Variants in NUDCD3 observed in about 807,000 individuals in gnomAD.
The protein encoded by NUDCD3 is nudC domain-containing protein 3.
Under a neutral mutation model 39.7 loss-of-function variants are expected in NUDCD3, and 13 were observed. The ratio of observed to expected loss-of-function variants is 0.33; its 90% CI spans 0.21 to 0.52. NUDCD3 has a LOEUF of 0.52. Among genes scored for constraint, NUDCD3 ranks in the 20% least tolerant of loss-of-function variants. The pLI is 0.96. For missense variants in NUDCD3, 453 were observed against 458.1 expected (o/e 0.99, Z 0.10); for synonymous variants, 175 against 172.4 (o/e 1.02, Z -0.12).
chr7:44,478,355 A>G (rs1382725847), intron 2 of NUDCD3, among the ~76,000 whole-genome samples: 1 of 152,222 alleles, frequency 6.6e-6, no homozygotes, highest in Non-Finnish European at 1.5e-5. Flanking sequence ...GTTTCAGACC[A>G]GTATGGCCAA....
At chr7:44,490,258 G>A (rs1037113880) in intron 1 of NUDCD3, 151 bp downstream of exon 1, 3 of 724,286 alleles carry the variant, frequency 4.1e-6, no homozygotes, top group African/African-American at 1.9e-5. Context: ...TCCAATCCGC[G>A]CTTCAAATTA....
At chr7:44,391,484 GAGA>G (rs748415316) in intron 5 of NUDCD3, among the ~76,000 whole-genome samples, 26 of 152,166 alleles carry the variant, frequency 1.7e-4, no homozygotes, top group Non-Finnish European at 3.1e-4. Context: ...GAGACAAAAT[GAGA>G]AGAAAATATC....
At chr7:44,458,190 A>G (rs1799939044) in intron 2 of NUDCD3, among the ~76,000 whole-genome samples, 2 of 152,248 alleles carry the variant, frequency 1.3e-5, no homozygotes, top group African/African-American at 4.8e-5. Context: ...AAAACACTCC[A>G]TTAAGTGAGA....
intron 2 of NUDCD3, among the ~76,000 whole-genome samples, chr7:44,476,475 C>CTT (rs1466263752): frequency 1.3e-5 from 2 of 152,168 alleles, no homozygotes; most frequent in Admixed American, 6.5e-5. Flanking sequence ...TCATTTGCCC[C>CTT]TTTCACCATG....
intron 2 of NUDCD3, among the ~76,000 whole-genome samples, chr7:44,437,069 C>CTTTTTTT (rs35904938): frequency 2.2e-4 from 26 of 117,278 alleles, no homozygotes; most frequent in Non-Finnish European, 4.3e-4. Context: ...CTTTTCTTTT[C>CTTTTTTT]TTTTTTTTTT....
intron 3 of NUDCD3, chr7:44,413,419 A>C (rs1342960079): frequency 6.6e-6 from 1 of 152,224 alleles, no homozygotes; most frequent in Non-Finnish European, 1.5e-5. Flanking sequence ...ACAGATCTGC[A>C]ATACATATCA....
At position 44,463,356 on chromosome 7, in the gene NUDCD3, C is replaced by T. The variant is rs115562404; in HGVS notation, c.509+21612G>A. Among the ~76,000 whole-genome samples, 1,268 of 152,268 alleles carry T rather than the reference C, an allele frequency of 8.3e-3. 15 individuals carry two copies. The highest frequency in any genetic ancestry group is 0.061 in the Middle Eastern group (18 of 294). ...AAGCTGGTGACACCCACAGAGGGCA[C>T]GGAGCCTGCCATCCCTGAGAACTAG... On this transcript the variant is annotated intron_variant, in intron 2 of 5. Transcript: ENST00000355451.
At chr7:44,461,026 C>T (rs544353027) in intron 2 of NUDCD3, among the ~76,000 whole-genome samples, 112 of 152,318 alleles carry the variant, frequency 7.4e-4, no homozygotes, top group African/African-American at 2.6e-3. Flanking sequence ...GCCTAAAAAC[C>T]CGACGGGTTC....
chr7:44,419,412 A>C (rs1432078142), intron 3 of NUDCD3, among the ~76,000 whole-genome samples: 1 of 152,212 alleles, frequency 6.6e-6, no homozygotes, highest in Admixed American at 6.5e-5. Flanking sequence ...CAGCTTCAGC[A>C]GACTTAAACA....
At chr7:44,454,208 G>A (rs185471559) in intron 2 of NUDCD3, among the ~76,000 whole-genome samples, 2 of 152,164 alleles carry the variant, frequency 1.3e-5, no homozygotes, top group African/African-American at 4.8e-5. Flanking sequence ...GCATGGTGGC[G>A]GGCACCTGTA....
In NUDCD3 at chr7:44,449,027, C is replaced by A. The variant is rs1799738533; in HGVS notation, c.510-21324G>T. ...AACTAAACTCCAAATTAAACTAGGA[C>A]CAAACACAGGGAGTGGTAGAGAGCA... On this transcript the variant is annotated intron_variant, in intron 2 of 5. Transcript: ENST00000355451. Among the ~76,000 whole-genome samples, 4 of 152,130 alleles carry A rather than the reference C, an allele frequency of 2.6e-5. No homozygotes were observed. The South Asian group carries it at 8.3e-4, about 32-fold the overall frequency.
intron 4 of NUDCD3, chr7:44,402,874 T>C: frequency 2.9e-6 from 1 of 343,108 alleles, no homozygotes; most frequent in South Asian, 2.2e-5. Flanking sequence ...CCAGTACTAC[T>C]AGTGCATCAC....
rs992451018 is a variant in NUDCD3, at chr7:44,382,148, CCTCT to C, written c.*3859_*3862del. 7.9e-5 allele frequency: 12 copies of C among 152,196 alleles called. No individual in the cohort carries two copies. Among genetic ancestry groups the C allele is most frequent in the African/African-American group, 2.6e-4 (11 of 41,520 alleles). 9.4% of individuals were successfully genotyped at this position (152,196 alleles called of 1,614,324 possible). A position where few individuals can be genotyped will look rare whatever the true frequency, so the allele number is the denominator to read the frequency against. On this transcript the variant is annotated 3_prime_UTR_variant, in exon 6 of 6. Transcript: ENST00000355451. ...CAGCGATGGGGGGGTTTCTTCCCTC[CCTCT>C]GAGGTAAGACCAATCTGTTAAACTT... is the stretch of plus-strand genomic sequence containing the variant.
At chr7:44,399,568 T>C (rs1297254082) in intron 4 of NUDCD3, among the ~76,000 whole-genome samples, 2 of 152,230 alleles carry the variant, frequency 1.3e-5, no homozygotes, top group Non-Finnish European at 2.9e-5. Context: ...CCCATCTTCA[T>C]TTTATCCTCA....
chr7:44,441,809 G>T (rs1771143144), intron 2 of NUDCD3, among the ~76,000 whole-genome samples: 3 of 152,108 alleles, frequency 2.0e-5, no homozygotes, highest in African/African-American at 7.2e-5. Flanking sequence ...AGAGCCTCTG[G>T]TCAACAGAGA....
rs566599945 is a variant in NUDCD3 at position 44,387,320 on chromosome 7, C to A, written c.976-1199G>T. ...AAACTATGGGTGCAGTCCACCATAC[C>A]CAGCTTCATTTTCTTTTTTTAAGAC... On this transcript the variant is annotated intron_variant, in intron 5 of 5. Transcript: ENST00000355451. Among the ~76,000 whole-genome samples the A allele has an allele frequency of 6.6e-5, 10 of 152,188 alleles. No homozygotes were observed. The South Asian group carries it at 2.1e-3, about 32-fold the overall frequency.
At chr7:44,436,942 T>A (rs1276625041) in intron 2 of NUDCD3, among the ~76,000 whole-genome samples, 1 of 152,144 alleles carries the variant, frequency 6.6e-6, no homozygotes, top group Non-Finnish European at 1.5e-5. Flanking sequence ...ACATTAACAT[T>A]TTTATATACT....
rs756619224 is a variant in NUDCD3, at chr7:44,485,117, G to A, written c.360C>T (p.Ser120=). 1.9e-6 allele frequency: 3 copies of A among 1,614,152 alleles called. No homozygotes were observed. The highest frequency in any genetic ancestry group is 2.2e-5 in the South Asian group (2 of 91,078). The stretch of plus-strand genomic sequence containing the variant: ...CCTGATGCCCATCCAATTCTGTGGT[G>A]GAGTCAATCTCTATTTCCTGGACTG... ...PVPVQEIEID[S]TTELDGHQEV... Residue 120 remains serine, a synonymous_variant, in exon 2 of 6, where the codon TCC becomes TCT. Coordinates refer to ENST00000355451, the MANE Select transcript of NUDCD3 (RefSeq NM_015332.4).
intron 2 of NUDCD3, among the ~76,000 whole-genome samples, chr7:44,436,945 T>C (rs1799477449): frequency 6.6e-6 from 1 of 152,132 alleles, no homozygotes; most frequent in Non-Finnish European, 1.5e-5. Flanking sequence ...TTAACATTTT[T>C]ATATACTCAG....
Sources: gnomAD v4.1 joint callset for allele counts (sites outside exome capture counted in the v4.1 genomes callset) on GRCh38, gnomAD v4.1.1 for gene constraint, MANE v1.5 for transcripts, NCBI Gene and HGNC (gene_info 2026-07-23, HGNC 2026-07-21) for gene names.